NPEPPS: variants seen among roughly 807,000 people sequenced by gnomAD.
The protein encoded by NPEPPS is aminopeptidase puromycin sensitive, also known as puromycin-sensitive aminopeptidase.
In NPEPPS, 14 loss-of-function variants were observed where a neutral mutation model predicts 115.5. That is an observed-to-expected ratio of 0.12 (90% CI 0.08 to 0.19). The LOEUF (loss-of-function observed/expected upper bound fraction) is 0.19, where lower values mean the gene tolerates loss of function less well. Among genes scored for constraint, NPEPPS ranks in the 10% least tolerant of loss-of-function variants. NPEPPS has a pLI of 1.00. For synonymous variants in NPEPPS, 285 were observed against 390.6 expected (o/e 0.73, Z 3.19); for missense variants, 523 against 1,110.8 (o/e 0.47, Z 7.52).
intron 2 of NPEPPS, among the ~76,000 whole-genome samples, chr17:47,554,075 T>C (rs1008712760): frequency 3.1e-4 from 42 of 136,752 alleles, no homozygotes; most frequent in African/African-American, 1.0e-3. Flanking sequence ...AGTTTCACTC[T>C]TGTTGCCCAG....
At chr17:47,537,806 T>A (rs145386565) in intron 1 of NPEPPS, among the ~76,000 whole-genome samples, 9,243 of 152,230 alleles carry the variant, frequency 0.061, 506 homozygotes, top group African/African-American at 0.13. Flanking sequence ...TCATTGTTTT[T>A]TTTAAATACT....
intron 12 of NPEPPS, 28 bp from the exon 13 acceptor site, chr17:47,596,325 T>C (rs1196224692): frequency 2.3e-6 from 3 of 1,326,060 alleles, no homozygotes; most frequent in Non-Finnish European, 3.1e-6. Context: ...AATATAAACA[T>C]TTTAGATTAT....
chr17:47,575,608 A>ATTATTATT (rs1281757794), intron 3 of NPEPPS, among the ~76,000 whole-genome samples: 1 of 148,156 alleles, frequency 6.7e-6, no homozygotes, highest in Non-Finnish European at 1.5e-5. Context: ...TATTATTATT[A>ATTATTATT]TTATTATTAT....
rs758596799 is a variant in NPEPPS, at chr17:47,586,424, C to T, written c.980+26C>T. 1.2e-5 allele frequency: 19 copies of T among 1,527,646 alleles called. No individual in the cohort carries two copies. The South Asian group carries it at 2.1e-4, about 17-fold the overall frequency. The allele number at this position is 1,527,646 out of a possible 1,614,324, so 94.6% of individuals were successfully genotyped here. A position where few individuals can be genotyped will look rare whatever the true frequency, so the allele number is the denominator to read the frequency against. On this transcript the variant is annotated intron_variant, in intron 8 of 22. Transcript: ENST00000322157. ...GTATGTTAATGATGTGTTACCCTGC[C>T]TTATCTTTTCAAATCACTGATTTCA...
chr17:47,614,281 C>G (rs761336990), intron 19 of NPEPPS, among the ~76,000 whole-genome samples: 2 of 152,102 alleles, frequency 1.3e-5, no homozygotes, highest in African/African-American at 2.4e-5. Flanking sequence ...AATTTTAACA[C>G]TGAAATAAAT....
At chr17:47,588,734 A>G (rs1376650788) in intron 9 of NPEPPS, among the ~76,000 whole-genome samples, 1 of 152,158 alleles carries the variant, frequency 6.6e-6, no homozygotes, top group Non-Finnish European at 1.5e-5. Context: ...GAAACAAGCA[A>G]TAAATTTTAG....
upstream of NPEPPS, among the ~76,000 whole-genome samples, chr17:47,528,737 T>G (rs1907536868): frequency 1.3e-5 from 2 of 152,076 alleles, no homozygotes; most frequent in Admixed American, 6.5e-5. Flanking sequence ...GTTCAAGTGA[T>G]TCTTCTGCCT....
chr17:47,553,520 T>TA (rs1046380168), intron 2 of NPEPPS, among the ~76,000 whole-genome samples: 15 of 152,254 alleles, frequency 9.9e-5, no homozygotes, highest in African/African-American at 3.1e-4. Flanking sequence ...ATATGGTAGT[T>TA]ACAGTAGTTC....
Position 47,622,735 on chromosome 17 carries a change from A to G in NPEPPS, c.*815A>G, listed in dbSNP as rs1914662414. 7.6e-6 allele frequency: 3 copies of G among 394,402 alleles called. No individual in the cohort carries two copies. The highest frequency in any genetic ancestry group is 1.4e-5 in the Non-Finnish European group (3 of 208,348). 24.4% of individuals were successfully genotyped at this position (394,402 alleles called of 1,614,324 possible). On this transcript the variant is annotated 3_prime_UTR_variant, in exon 23 of 23. Coordinates refer to ENST00000322157, the MANE Select transcript of NPEPPS (RefSeq NM_006310.4). Reference sequence around the variant, plus strand: ...CATTATTTTTTTCTTTTTAAAGATGACTTATAAGAACCCTGAAATTTATAT... The same window carrying G: ...CATTATTTTTTTCTTTTTAAAGATGGCTTATAAGAACCCTGAAATTTATAT...
At chr17:47,561,432 A>G (rs965820386) in intron 2 of NPEPPS, among the ~76,000 whole-genome samples, 1 of 151,838 alleles carries the variant, frequency 6.6e-6, no homozygotes, top group Non-Finnish European at 1.5e-5. Flanking sequence ...TTTCTGTCAT[A>G]GAACACCCAT....
chr17:47,580,597 A>G (rs2611880), intron 4 of NPEPPS: 12 of 152,102 alleles, frequency 7.9e-5, no homozygotes, highest in African/African-American at 1.7e-4. Flanking sequence ...TATTCTCCCT[A>G]TTAGACATAA....
chr17:47,525,187 C>CCA (rs1296085415), intron 1 of NPEPPS, among the ~76,000 whole-genome samples: 18 of 152,124 alleles, frequency 1.2e-4, no homozygotes, highest in African/African-American at 4.3e-4. Context: ...ACCTTCCATT[C>CCA]CTCTAGCCCA....
intron 19 of NPEPPS, 35 bp from the exon 20 acceptor site, chr17:47,618,315 G>C (rs1914338633): frequency 1.4e-6 from 2 of 1,413,928 alleles, no homozygotes; most frequent in Non-Finnish European, 2.0e-6. Flanking sequence ...CCAAGGGAGA[G>C]TTAACTATTC....
intron 18 of NPEPPS, among the ~76,000 whole-genome samples, chr17:47,613,459 G>T (rs937449089): frequency 4.0e-5 from 6 of 151,680 alleles, no homozygotes; most frequent in African/African-American, 1.2e-4. Context: ...TAGAGACAGG[G>T]TTTCACCATG....
intron 4 of NPEPPS, chr17:47,580,672 G>A (rs1307715864): frequency 6.6e-6 from 1 of 151,128 alleles, no homozygotes; most frequent in East Asian, 1.9e-4. Flanking sequence ...CAAAACAAGG[G>A]ATCCATAATT....
At chr17:47,560,910 A>G (rs1292217505) in intron 2 of NPEPPS, among the ~76,000 whole-genome samples, 1 of 152,208 alleles carries the variant, frequency 6.6e-6, no homozygotes, top group African/African-American at 2.4e-5. Flanking sequence ...GGTTTAGATT[A>G]CTTGTTTAAG....
chr17:47,556,836 G>A (rs1285892138), intron 2 of NPEPPS, among the ~76,000 whole-genome samples: 2 of 152,208 alleles, frequency 1.3e-5, no homozygotes, highest in Non-Finnish European at 2.9e-5. Flanking sequence ...TAGAGATGGG[G>A]TTTCCCCACG....
At chr17:47,599,267 ATTGC>A (rs773654250) in intron 13 of NPEPPS, among the ~76,000 whole-genome samples, 14 of 152,288 alleles carry the variant, frequency 9.2e-5, no homozygotes, top group South Asian at 6.2e-4. Context: ...CAAAGTGGCC[ATTGC>A]TTTCTCACTT....
chr17:47,621,626 T>A (rs1172883300), intron 22 of NPEPPS, 142 bp from the exon 23 acceptor site: 6 of 700,546 alleles, frequency 8.6e-6, no homozygotes, highest in Non-Finnish European at 1.4e-5. Context: ...TGTTTTCTTT[T>A]AGCCTGAGGG....
Sources: gnomAD v4.1 joint callset for allele counts (sites outside exome capture counted in the v4.1 genomes callset) on GRCh38, gnomAD v4.1.1 for gene constraint, MANE v1.5 for transcripts, NCBI Gene and HGNC (gene_info 2026-07-23, HGNC 2026-07-21) for gene names.